SORCS3: variants seen among roughly 807,000 people sequenced by gnomAD.
SORCS3 encodes VPS10 domain-containing receptor SorCS3.
SORCS3 carries 57 observed loss-of-function variants against 146.3 expected under a neutral mutation model. That is an observed-to-expected ratio of 0.39 (90% CI 0.31 to 0.49). The LOEUF is 0.49. Ranked by LOEUF, SORCS3 falls within the 20% of genes least tolerant of loss-of-function variation. The pLI is 0.92. For synonymous variants in SORCS3, 653 were observed against 618.5 expected, an observed-to-expected ratio of 1.06 and a Z score of -0.83; for missense variants, 1,341 against 1,575.5, an observed-to-expected ratio of 0.85 and a Z score of 2.52.
At chr10:104,923,293 A>T (rs970403857) in intron 3 of SORCS3, among the ~76,000 whole-genome samples, 25 of 152,282 alleles carry the variant, frequency 1.6e-4, no homozygotes, top group African/African-American at 6.0e-4. Flanking sequence ...AGGAAGTGTA[A>T]TCCTCATAGC....
At chr10:104,695,063 C>T (rs1242616850) in intron 1 of SORCS3, among the ~76,000 whole-genome samples, 10 of 152,082 alleles carry the variant, frequency 6.6e-5, no homozygotes, top group African/African-American at 9.7e-5. Context: ...AGGAAGCCCT[C>T]GTGTCGATTC....
At chr10:105,045,946 A>G (rs2055369087) in intron 5 of SORCS3, among the ~76,000 whole-genome samples, 1 of 152,162 alleles carries the variant, frequency 6.6e-6, no homozygotes, top group South Asian at 2.1e-4. Context: ...TGTGATAACA[A>G]CTGAATGGGT....
intron 1 of SORCS3, among the ~76,000 whole-genome samples, chr10:104,739,242 C>G (rs1282521260): frequency 1.3e-5 from 2 of 152,244 alleles, no homozygotes; most frequent in African/African-American, 4.8e-5. Context: ...TCTTGGTTCA[C>G]TCTCTCCAAA....
chr10:105,143,065 G>A (rs1385151953), intron 8 of SORCS3, among the ~76,000 whole-genome samples: 1 of 152,038 alleles, frequency 6.6e-6, no homozygotes, highest in Non-Finnish European at 1.5e-5. Context: ...ACCTGCTGCT[G>A]TATATTCTTT....
intron 8 of SORCS3, among the ~76,000 whole-genome samples, chr10:105,146,390 AT>A (rs1443342207): frequency 6.6e-6 from 1 of 152,038 alleles, no homozygotes; most frequent in Non-Finnish European, 1.5e-5. Context: ...AAAAATAAAA[AT>A]GATCCAGTCC....
chr10:104,810,977 A>G (rs376944966), intron 1 of SORCS3, among the ~76,000 whole-genome samples: 10 of 152,362 alleles, frequency 6.6e-5, no homozygotes, highest in African/African-American at 2.2e-4. Flanking sequence ...TACCACAAAG[A>G]GTGAATTGTA....
At chr10:104,907,151 G>GTGTA (rs1197854611) in intron 2 of SORCS3, among the ~76,000 whole-genome samples, 3 of 151,924 alleles carry the variant, frequency 2.0e-5, no homozygotes, top group African/African-American at 7.3e-5. Context: ...GTGTGTGTGT[G>GTGTA]TGTAATACAC....
intron 1 of SORCS3, 60 bp downstream of exon 1, chr10:104,642,014 G>GT: frequency 1.4e-6 from 2 of 1,381,852 alleles, no homozygotes; most frequent in Admixed American, 2.5e-5. Context: ...GAATGGGGGG[G>GT]TGGGTGGGAG....
At chr10:105,044,503 C>T (rs2055356636) in intron 5 of SORCS3, among the ~76,000 whole-genome samples, 1 of 152,070 alleles carries the variant, frequency 6.6e-6, no homozygotes, top group African/African-American at 2.4e-5. Context: ...GCCGTTTATG[C>T]CTTACACAAC....
At chr10:104,947,495 C>T (rs2133623332) in intron 3 of SORCS3, among the ~76,000 whole-genome samples, 1 of 152,256 alleles carries the variant, frequency 6.6e-6, no homozygotes, top group South Asian at 2.1e-4. Flanking sequence ...GAGGCGGGGT[C>T]CTTTCACGGG....
intron 2 of SORCS3, among the ~76,000 whole-genome samples, chr10:104,915,140 A>G (rs1262919594): frequency 6.6e-6 from 1 of 152,130 alleles, no homozygotes; most frequent in African/African-American, 2.4e-5. Flanking sequence ...TGGTTTTGGC[A>G]TAGGTCAGTG....
intron 1 of SORCS3, among the ~76,000 whole-genome samples, chr10:104,707,017 T>C (rs1459759726): frequency 6.6e-6 from 1 of 152,078 alleles, no homozygotes; most frequent in Non-Finnish European, 1.5e-5. Flanking sequence ...GTTGCTTAAA[T>C]TAATAAGTTA....
At chr10:105,100,923 T>C (rs910764219) in intron 6 of SORCS3, among the ~76,000 whole-genome samples, 1 of 152,228 alleles carries the variant, frequency 6.6e-6, no homozygotes, top group African/African-American at 2.4e-5. Context: ...TACTAAATTG[T>C]CTGTGCCTCA....
At chr10:104,756,597 G>T (rs879603398) in intron 1 of SORCS3, among the ~76,000 whole-genome samples, 1 of 152,176 alleles carries the variant, frequency 6.6e-6, no homozygotes, top group Non-Finnish European at 1.5e-5. Flanking sequence ...TCTATCAGCT[G>T]GGGTTTGAAT....
chr10:105,014,977 A>G (rs1314558269), intron 4 of SORCS3, among the ~76,000 whole-genome samples: 1 of 152,216 alleles, frequency 6.6e-6, no homozygotes, highest in Non-Finnish European at 1.5e-5. Context: ...AGTTTATGGT[A>G]TTTTGCTACA....
At chr10:104,915,409 A>G (rs1484653891) in intron 2 of SORCS3, among the ~76,000 whole-genome samples, 1 of 150,804 alleles carries the variant, frequency 6.6e-6, no homozygotes, top group Non-Finnish European at 1.5e-5. Flanking sequence ...CCTGGTGATG[A>G]CCTCAGGAGA....
chr10:104,750,321 C>T (rs529868604), intron 1 of SORCS3, among the ~76,000 whole-genome samples: 2 of 152,250 alleles, frequency 1.3e-5, no homozygotes, highest in South Asian at 2.1e-4. Flanking sequence ...GAATGGACCT[C>T]GGCAACATAT....
intron 5 of SORCS3, among the ~76,000 whole-genome samples, chr10:105,054,969 T>C (rs1401103993): frequency 6.6e-6 from 1 of 152,184 alleles, no homozygotes; most frequent in African/African-American, 2.4e-5. Flanking sequence ...TTCCTCCCCA[T>C]AAAGCAACTA....
intron 3 of SORCS3, among the ~76,000 whole-genome samples, chr10:104,938,295 G>A (rs1184725809): frequency 6.6e-6 from 1 of 152,066 alleles, no homozygotes. Flanking sequence ...TGTTTTTCAG[G>A]GGGAAGTGTT....
Sources: gnomAD v4.1 joint callset for allele counts (sites outside exome capture counted in the v4.1 genomes callset) on GRCh38, gnomAD v4.1.1 for gene constraint, MANE v1.5 for transcripts, NCBI Gene and HGNC (gene_info 2026-07-23, HGNC 2026-07-21) for gene names.